Variants in C17orf58 observed in about 807,000 individuals in gnomAD.
The protein encoded by C17orf58 is chromosome 17 open reading frame 58.
Under a neutral mutation model 7.4 loss-of-function variants are expected in C17orf58, and 5 were observed. That is an observed-to-expected ratio of 0.67 (90% CI 0.35 to 1.42). The LOEUF is 1.42. Among genes scored for constraint, C17orf58 ranks in the 40% most tolerant of loss-of-function variants. The pLI is 0.04. For synonymous variants in C17orf58, 60 were observed against 70.6 expected, an observed-to-expected ratio of 0.85 and a Z score of 0.75; for missense variants, 162 against 174.2, an observed-to-expected ratio of 0.93 and a Z score of 0.40.
In C17orf58 at chr17:67,992,112, A is replaced by G; in HGVS notation, c.830-9T>C. On this transcript the variant is annotated splice_polypyrimidine_tract_variant and intron_variant, in intron 3 of 3. Transcript: ENST00000580729. The stretch of plus-strand genomic sequence containing the variant: ...CACAATATACCTGCTGCCTGGACAA[A>G]ATAACCAGAACATTAATTCATAGTG... The G allele has an allele frequency of 6.5e-7, 1 of 1,545,362 alleles. No homozygotes were observed. Among genetic ancestry groups the G allele is most frequent in the South Asian group, 1.3e-5 (1 of 79,768 alleles).
At chr17:67,994,391 C>T (rs1202492186) in intron 1 of C17orf58, among the ~76,000 whole-genome samples, 1 of 151,476 alleles carries the variant, frequency 6.6e-6, no homozygotes, top group Non-Finnish European at 1.5e-5. Flanking sequence ...TTACAACCCC[C>T]TATTTACTCT....
intron 1 of C17orf58, among the ~76,000 whole-genome samples, chr17:67,994,440 AC>A (rs2070871792): frequency 6.7e-6 from 1 of 149,018 alleles, no homozygotes; most frequent in Admixed American, 6.7e-5. Flanking sequence ...TAGATAACAA[AC>A]TTTTTTGCCC....
chr17:67,993,471 C>A lies in C17orf58; in HGVS notation c.590G>T (p.Cys197Phe). ...EPGAEPCARA[C>F]RSDLDEREAF... Reference sequence around the variant, plus strand: ...CTCGCGTTCGTCCAGATCGGACCGGCAGGCGCGCGCGCAGGGCTCAGCGCC... The same window carrying A: ...CTCGCGTTCGTCCAGATCGGACCGGAAGGCGCGCGCGCAGGGCTCAGCGCC... The change falls in exon 2 of 4, where the codon TGC (cysteine) becomes TTC (phenylalanine). Residue 197 changes from cysteine to phenylalanine, a missense_variant. Around this residue, in one of 3 missense-constraint regions of C17orf58, gnomAD observed 93 missense variants for 90.4 expected, o/e 1.03. Transcript: ENST00000580729. The surrounding 1 kb of genome is among the most constrained non-coding windows in gnomAD (Gnocchi z 5.1). 1 of 454,082 alleles carries A rather than the reference C, an allele frequency of 2.2e-6. No individual in the cohort carries two copies. Among genetic ancestry groups the A allele is most frequent in the Non-Finnish European group, 3.8e-6 (1 of 260,634 alleles). The allele number at this position is 454,082 out of a possible 1,614,324, so 28.1% of individuals were successfully genotyped here.
chr17:67,994,506 G>GTA (rs1486317778), intron 1 of C17orf58, among the ~76,000 whole-genome samples: 1 of 16,372 alleles, frequency 6.1e-5, no homozygotes, highest in Non-Finnish European at 2.3e-4. Flanking sequence ...GTGTGTGTGT[G>GTA]TGTGTGTGTG....
rs561836054 is a variant in C17orf58 at position 67,994,128 on chromosome 17, C to T, written c.77-144G>A. 81 of 360,700 alleles carry T rather than the reference C, an allele frequency of 2.2e-4. 1 individual carries two copies. Among genetic ancestry groups the T allele is most frequent in the Admixed American group, 2.1e-3 (44 of 21,362 alleles). The allele number at this position is 360,700 out of a possible 1,614,324, so 22.3% of individuals were successfully genotyped here. A position where few individuals can be genotyped will look rare whatever the true frequency, so the allele number is the denominator to read the frequency against. ...GGGAGGCCGAGAGGGGAAGGGAAGC[C>T]AGGAGGGGAGGAGGCCGCTAGTGGG... On this transcript the variant is annotated intron_variant, in intron 1 of 3. Transcript: ENST00000580729.
rs781873413 is a variant in C17orf58, at chr17:67,992,108, A to G, written c.830-5T>C. On this transcript the variant is annotated splice_polypyrimidine_tract_variant and splice_region_variant and intron_variant, in intron 3 of 3. Coordinates refer to ENST00000580729, the MANE Select transcript of C17orf58 (RefSeq NM_001382359.1). ...CCATCACAATATACCTGCTGCCTGGACAAAATAACCAGAACATTAATTCAT... is the reference window on the plus strand; with the variant it reads ...CCATCACAATATACCTGCTGCCTGGGCAAAATAACCAGAACATTAATTCAT... The G allele has an allele frequency of 6.4e-7, 1 of 1,550,524 alleles. No homozygotes were observed. Among genetic ancestry groups the G allele is most frequent in the South Asian group, 1.2e-5 (1 of 80,594 alleles).
At chr17:67,994,516 G>GTGTGTGTGTGTATATATATA (rs1244199425) in intron 1 of C17orf58, among the ~76,000 whole-genome samples, 11 of 89,534 alleles carry the variant, frequency 1.2e-4, no homozygotes, top group Admixed American at 3.7e-4. Flanking sequence ...GTGTGTGTGT[G>GTGTGTGTGTGTATATATATA]TATATATATA....
At chr17:67,994,142 G>T (rs1455920815) in intron 1 of C17orf58, among the ~76,000 whole-genome samples, 158 bp from the exon 2 acceptor site, 1 of 151,836 alleles carries the variant, frequency 6.6e-6, no homozygotes, top group Non-Finnish European at 1.5e-5. Context: ...AGGGGAGGAG[G>T]CCGCTAGTGG....
rs782224243 is a variant in C17orf58, at chr17:67,993,365, C to A, written c.637+59G>T. 6.3e-5 allele frequency: 40 copies of A among 634,208 alleles called. No individual in the cohort carries two copies. The highest frequency in any genetic ancestry group is 2.2e-4 in the Admixed American group (7 of 31,226). The allele number at this position is 634,208 out of a possible 1,614,324, so 39.3% of individuals were successfully genotyped here. A position where few individuals can be genotyped will look rare whatever the true frequency, so the allele number is the denominator to read the frequency against. On this transcript the variant is annotated intron_variant, in intron 2 of 3. Transcript: ENST00000580729. This position sits in a 1 kb window ranked among gnomAD's most constrained non-coding sequence, Gnocchi z 5.1. ...CGCCCTGGGATCTCGCGGGCGGATT[C>A]TCCGGGGCTCGGAAAGGCTCGCGGG...
chr17:67,992,567 C>CA lies in C17orf58; in HGVS notation c.830-465dup, dbSNP rs59543001. Among the ~76,000 whole-genome samples, 75 of 52,792 alleles carry CA rather than the reference C, an allele frequency of 1.4e-3. 1 individual carries two copies. The highest frequency in any genetic ancestry group is 5.6e-3 in the African/African-American group (72 of 12,914). 34.6% of individuals were successfully genotyped at this position (52,792 alleles called of 152,430 possible). On this transcript the variant is annotated intron_variant, in intron 3 of 3. Coordinates refer to ENST00000580729, the MANE Select transcript of C17orf58 (RefSeq NM_001382359.1). ...TGGGCGACAGGGCAAGACTCAATCT[C>CA]AAAAAAAAAAAAAAAAAAAAAAAAA...
chr17:67,993,146 T>C lies in C17orf58; in HGVS notation c.727A>G (p.Met243Val). The stretch of plus-strand genomic sequence containing the variant: ...TCGGGGGTGAGGTACAGGCGGTTCA[T>C]CTTGTACAGCCCGTCCCGATCCACC... Reference protein sequence around the residue: ...LLVDRDGLYKMNRLYLTPDGF... With the variant: ...LLVDRDGLYKVNRLYLTPDGF... The change falls in exon 3 of 4, where the codon ATG becomes GTG. Residue 243 changes from methionine to valine, a missense_variant. Coordinates refer to ENST00000580729, the MANE Select transcript of C17orf58 (RefSeq NM_001382359.1). This position sits in a 1 kb window ranked among gnomAD's most constrained non-coding sequence, Gnocchi z 5.1. 1 of 1,613,872 alleles carries C rather than the reference T, an allele frequency of 6.2e-7. No individual in the cohort carries two copies. The highest frequency in any genetic ancestry group is 1.3e-5 in the African/African-American group (1 of 74,998).
intron 1 of C17orf58, among the ~76,000 whole-genome samples, chr17:67,995,529 T>TC (rs1296414156): frequency 1.3e-5 from 2 of 152,166 alleles, no homozygotes; most frequent in Admixed American, 1.3e-4. Flanking sequence ...AAAAACACGA[T>TC]CCCCCAGAGA....
rs1555699201 is a variant in C17orf58 at position 67,991,110 on chromosome 17, G to A, written c.*803C>T. On this transcript the variant is annotated 3_prime_UTR_variant, in exon 4 of 4. Transcript: ENST00000580729. The stretch of plus-strand genomic sequence containing the variant: ...AGGTGCATCCAAGATCTGATTTCAA[G>A]TCAAGATTTATTGCTTTACAAACAA... 1 of 152,152 alleles carries A rather than the reference G, an allele frequency of 6.6e-6. No individual in the cohort carries two copies. Among genetic ancestry groups the A allele is most frequent in the Non-Finnish European group, 1.5e-5 (1 of 68,032 alleles). 9.4% of individuals were successfully genotyped at this position (152,152 alleles called of 1,614,324 possible). A position where few individuals can be genotyped will look rare whatever the true frequency, so the allele number is the denominator to read the frequency against.
chr17:67,995,106 G>A (rs2070881475), intron 1 of C17orf58, among the ~76,000 whole-genome samples: 1 of 152,128 alleles, frequency 6.6e-6, no homozygotes. Flanking sequence ...AGATGGATCT[G>A]CCCATTTGCA....
chr17:67,992,890 C>T, intron 3 of C17orf58, 154 bp downstream of exon 3: 1 of 1,611,932 alleles, frequency 6.2e-7, no homozygotes, highest in Non-Finnish European at 8.5e-7. Context: ...ACAGAGTGGC[C>T]GGAATAATAC....
In C17orf58 at chr17:67,993,875, C is replaced by T. The variant is rs2070866565; in HGVS notation, c.186G>A (p.Ala62=). The part of the protein sequence containing the change: ...PLLEAPQRPR[A]AEVAPAARAW... ...CGCGGGCGGCGGGAGCGACCTCGGC[C>T]GCGCGCGGCCGCTGCGGGGCCTCAA... The change falls in exon 2 of 4, where the codon GCG becomes GCA. Residue 62 remains alanine (A), a synonymous_variant. Coordinates refer to ENST00000580729, the MANE Select transcript of C17orf58 (RefSeq NM_001382359.1). This position sits in a 1 kb window ranked among gnomAD's most constrained non-coding sequence, Gnocchi z 5.1. The T allele has an allele frequency of 2.7e-6, 1 of 368,190 alleles. No individual in the cohort carries two copies. Among genetic ancestry groups the T allele is most frequent in the East Asian group, 4.0e-5 (1 of 25,088 alleles). 22.8% of individuals were successfully genotyped at this position (368,190 alleles called of 1,614,324 possible). A position where few individuals can be genotyped will look rare whatever the true frequency, so the allele number is the denominator to read the frequency against.
intron 1 of C17orf58, among the ~76,000 whole-genome samples, chr17:67,994,515 T>C (rs868995720): frequency 6.9e-5 from 7 of 102,008 alleles, no homozygotes; most frequent in Admixed American, 3.1e-4. Flanking sequence ...TGTGTGTGTG[T>C]GTATATATAT....
chr17:67,994,535 T>TATATATA lies in C17orf58; in HGVS notation c.77-552_77-551insTATATAT, dbSNP rs71142122. ...GTGTGTGTATATATATATATATATA[T>TATATATA]AAAACATATATAAACATCCGCCTCT... On this transcript the variant is annotated intron_variant, in intron 1 of 3. Transcript: ENST00000580729. 9.0e-5 allele frequency among the ~76,000 whole-genome samples: 9 copies of TATATATA among 100,310 alleles called. 1 individual carries two copies. Among genetic ancestry groups the TATATATA allele is most frequent in the South Asian group, 7.7e-4 (2 of 2,610 alleles). The allele number at this position is 100,310 out of a possible 152,430, so 65.8% of individuals were successfully genotyped here.
intron 1 of C17orf58, among the ~76,000 whole-genome samples, chr17:67,994,952 G>T (rs1232995830): frequency 2.0e-5 from 3 of 152,122 alleles, no homozygotes; most frequent in Non-Finnish European, 4.4e-5. Context: ...CTGCAGACAG[G>T]TTGGTGAGTA....
Sources: gnomAD v4.1 joint callset for allele counts (sites outside exome capture counted in the v4.1 genomes callset) on GRCh38, gnomAD v4.1.1 for gene constraint, gnomAD v4.1.1 regional missense constraint, Gnocchi (gnomAD v3.1) non-coding constraint, MANE v1.5 for transcripts, NCBI Gene and HGNC (gene_info 2026-07-23, HGNC 2026-07-21) for gene names.